GPC5: variants seen among roughly 807,000 people sequenced by gnomAD.
GPC5 encodes the protein glypican 5, also known as glypican-5.
In GPC5, 47 loss-of-function variants were observed where a neutral mutation model predicts 53.9. The observed-to-expected ratio is 0.87, with a 90% CI of 0.69 to 1.11. The LOEUF (loss-of-function observed/expected upper bound fraction) is 1.11, where lower values mean the gene tolerates loss of function less well. GPC5 is among the 50% of genes most tolerant of loss of function. The probability of loss-of-function intolerance (pLI) is 0.00; values close to 1 mark genes in which losing one functional copy is unlikely to be tolerated. For missense variants in GPC5, 748 were observed against 713.1 expected (o/e 1.05, Z -0.56); for synonymous variants, 286 against 263.3 (o/e 1.09, Z -0.84).
chr13:92,736,343 T>C (rs1386451591), intron 7 of GPC5, among the ~76,000 whole-genome samples: 2 of 152,036 alleles, frequency 1.3e-5, no homozygotes, highest in African/African-American at 4.8e-5. Flanking sequence ...CAAAAACTCT[T>C]TGCTGTGTTC....
intron 2 of GPC5, among the ~76,000 whole-genome samples, chr13:91,657,715 C>T (rs12430525): frequency 1.3e-5 from 2 of 152,066 alleles, no homozygotes; most frequent in Non-Finnish European, 2.9e-5. Context: ...AAAATCCTGC[C>T]TAAGTTATAT....
intron 5 of GPC5, among the ~76,000 whole-genome samples, chr13:91,859,390 T>G (rs1211084562): frequency 6.6e-6 from 1 of 151,962 alleles, no homozygotes; most frequent in East Asian, 1.9e-4. Flanking sequence ...TTTTAATTTC[T>G]TTGTGGAACT....
intron 7 of GPC5, among the ~76,000 whole-genome samples, chr13:92,215,003 C>T (rs2042399979): frequency 6.6e-6 from 1 of 152,164 alleles, no homozygotes. Context: ...CTGCCTACAT[C>T]TTCATCTCCA....
At chr13:92,763,023 G>T (rs757955008) in intron 7 of GPC5, among the ~76,000 whole-genome samples, 2 of 151,172 alleles carry the variant, frequency 1.3e-5, no homozygotes, top group South Asian at 4.2e-4. Context: ...TTCTGATATT[G>T]TTGAATTGTC....
At chr13:91,931,379 T>C (rs566311644) in intron 6 of GPC5, among the ~76,000 whole-genome samples, 1 of 152,176 alleles carries the variant, frequency 6.6e-6, no homozygotes, top group East Asian at 1.9e-4. Context: ...TTTAGGATGG[T>C]TTCAGCTGAG....
At position 92,460,885 on chromosome 13, in the gene GPC5, A is replaced by G. The variant is rs1490072064; in HGVS notation, c.1561+315896A>G. ...TTGTTCTAGATCCTAGGGTGACATAATGAAAGTTGTGTTTCTCCAGTAGGA... is the reference window on the plus strand; with the variant it reads ...TTGTTCTAGATCCTAGGGTGACATAGTGAAAGTTGTGTTTCTCCAGTAGGA... On this transcript the variant is annotated intron_variant, in intron 7 of 7. Coordinates refer to ENST00000377067, the MANE Select transcript of GPC5 (RefSeq NM_004466.6). 2.6e-5 allele frequency among the ~76,000 whole-genome samples: 4 copies of G among 152,180 alleles called. No individual in the cohort carries two copies. The East Asian group carries it at 7.7e-4, about 29-fold the overall frequency.
chr13:92,667,144 G>T lies in GPC5; in HGVS notation c.1562-199138G>T, dbSNP rs114061580. ...TACCTCTCTGATCTACTGTTTTTTA[G>T]AACTGTCTGGGTTTCGAGGTCTTAA... On this transcript the variant is annotated intron_variant, in intron 7 of 7. Transcript: ENST00000377067. 6.7e-3 allele frequency among the ~76,000 whole-genome samples: 1,023 copies of T among 152,206 alleles called. 9 individuals are homozygous for T. Among genetic ancestry groups the T allele is most frequent in the African/African-American group, 0.023 (944 of 41,548 alleles).
intron 2 of GPC5, among the ~76,000 whole-genome samples, chr13:91,512,259 T>C (rs1409236906): frequency 6.6e-6 from 1 of 152,160 alleles, no homozygotes; most frequent in Non-Finnish European, 1.5e-5. Context: ...GCTGGTAGTA[T>C]TTGGAGAACT....
chr13:92,773,693 TTGAC>T (rs1260165558), intron 7 of GPC5, among the ~76,000 whole-genome samples: 1 of 152,220 alleles, frequency 6.6e-6, no homozygotes, highest in Non-Finnish European at 1.5e-5. Flanking sequence ...TTCTTGCCAC[TTGAC>T]TATCTAATCA....
At chr13:92,385,429 CATAT>C (rs1275760317) in intron 7 of GPC5, among the ~76,000 whole-genome samples, 1 of 77,182 alleles carries the variant, frequency 1.3e-5, no homozygotes, top group African/African-American at 4.6e-5. Flanking sequence ...TACATATATA[CATAT>C]ATACATATAT....
At chr13:91,653,426 A>C (rs141833738) in intron 2 of GPC5, among the ~76,000 whole-genome samples, 66 of 152,276 alleles carry the variant, frequency 4.3e-4, no homozygotes, top group African/African-American at 1.4e-3. Flanking sequence ...AATGGGTACA[A>C]AAAATAGAAA....
chr13:92,209,459 C>T (rs2042359416), intron 7 of GPC5, among the ~76,000 whole-genome samples: 2 of 152,266 alleles, frequency 1.3e-5, no homozygotes, highest in South Asian at 4.1e-4. Flanking sequence ...AAATGCTGAA[C>T]TCCACTCTCC....
intron 2 of GPC5, among the ~76,000 whole-genome samples, chr13:91,689,107 T>A (rs546336864): frequency 1.4e-5 from 2 of 147,158 alleles, no homozygotes; most frequent in Non-Finnish European, 3.0e-5. Flanking sequence ...AGGTTTAGGC[T>A]ACAGGGAGCT....
At chr13:92,857,650 T>C (rs1879046732) in intron 7 of GPC5, among the ~76,000 whole-genome samples, 1 of 151,870 alleles carries the variant, frequency 6.6e-6, no homozygotes, top group African/African-American at 2.4e-5. Flanking sequence ...CATCAAAAAG[T>C]GGGCAAAGTA....
chr13:92,581,970 G>A (rs1302555976), intron 7 of GPC5, among the ~76,000 whole-genome samples: 1 of 152,006 alleles, frequency 6.6e-6, no homozygotes, highest in Non-Finnish European at 1.5e-5. Context: ...CAGATGCATG[G>A]TTTCCAAATA....
chr13:91,979,774 A>G (rs1384654473), intron 6 of GPC5, among the ~76,000 whole-genome samples: 1 of 151,604 alleles, frequency 6.6e-6, no homozygotes, highest in East Asian at 2.0e-4. Flanking sequence ...AGAAATTCCT[A>G]TGGGCACAAA....
intron 2 of GPC5, among the ~76,000 whole-genome samples, chr13:91,669,048 T>C (rs951376596): frequency 3.9e-5 from 6 of 152,136 alleles, no homozygotes; most frequent in African/African-American, 1.4e-4. Context: ...TATTGTGCAA[T>C]CCTGCATAGT....
intron 7 of GPC5, among the ~76,000 whole-genome samples, chr13:92,764,574 C>T (rs1875319627): frequency 6.6e-6 from 1 of 152,124 alleles, no homozygotes; most frequent in Non-Finnish European, 1.5e-5. Context: ...CTTACCTTTT[C>T]CCTGCAAGGA....
At chr13:91,439,033 G>A (rs1700414848) in intron 1 of GPC5, among the ~76,000 whole-genome samples, 1 of 152,192 alleles carries the variant, frequency 6.6e-6, no homozygotes, top group Non-Finnish European at 1.5e-5. Context: ...CTTCTGTGTC[G>A]CTCACGCTGG....
Sources: gnomAD v4.1 joint callset for allele counts (sites outside exome capture counted in the v4.1 genomes callset) on GRCh38, gnomAD v4.1.1 for gene constraint, MANE v1.5 for transcripts, NCBI Gene and HGNC (gene_info 2026-07-23, HGNC 2026-07-21) for gene names.